IL7R: variants seen among roughly 807,000 people sequenced by gnomAD.
IL7R encodes the protein interleukin-7 receptor subunit alpha.
IL7R carries 38 observed loss-of-function variants against 47.0 expected under a neutral mutation model. The observed-to-expected ratio is 0.81, with a 90% CI of 0.62 to 1.06. IL7R has a LOEUF of 1.06. Ranked by LOEUF, IL7R falls within the 50% of genes least tolerant of loss-of-function variation. The probability of loss-of-function intolerance (pLI) is 0.00; values close to 1 mark genes in which losing one functional copy is unlikely to be tolerated. For missense variants in IL7R, 633 were observed against 534.8 expected (o/e 1.18, Z -1.81); for synonymous variants, 221 against 199.8 (o/e 1.11, Z -0.89).
intron 1 of IL7R, among the ~76,000 whole-genome samples, chr5:35,857,900 T>C (rs1287039107): frequency 6.6e-6 from 1 of 152,184 alleles, no homozygotes; most frequent in Non-Finnish European, 1.5e-5. Context: ...TATTTGGCTA[T>C]AGACAATATC....
chr5:35,864,266 C>A (rs1759886404), intron 2 of IL7R, among the ~76,000 whole-genome samples: 1 of 152,042 alleles, frequency 6.6e-6, no homozygotes, highest in East Asian at 1.9e-4. Context: ...ATTTTTAATT[C>A]TTTCTCTTCT....
chr5:35,857,289 C>T (rs1392378446), intron 1 of IL7R, among the ~76,000 whole-genome samples: 1 of 152,102 alleles, frequency 6.6e-6, no homozygotes, highest in Non-Finnish European at 1.5e-5. Context: ...ATGCATTTCA[C>T]TCCCAAGTGT....
At chr5:35,873,971 C>G (rs552542834) in intron 5 of IL7R, among the ~76,000 whole-genome samples, 7 of 152,190 alleles carry the variant, frequency 4.6e-5, no homozygotes, top group Non-Finnish European at 5.9e-5. Context: ...TGGCTGCTGT[C>G]TCTAAGGCCC....
Position 35,876,599 on chromosome 5 carries a change from CACT to C in IL7R, c.*116_*118del. 2 of 1,099,992 alleles carry C rather than the reference CACT, an allele frequency of 1.8e-6. No individual in the cohort carries two copies. Among genetic ancestry groups the C allele is most frequent in the Non-Finnish European group, 1.3e-6 (1 of 742,070 alleles). The allele number at this position is 1,099,992 out of a possible 1,614,324, so 68.1% of individuals were successfully genotyped here. ...AGAGAAGACAAAATTAGCAAAACCCCACTACACAGTCTGCAAGATTCTGAAACA... is the reference window on the plus strand; with the variant it reads ...AGAGAAGACAAAATTAGCAAAACCCCACACAGTCTGCAAGATTCTGAAACA... On this transcript the variant is annotated 3_prime_UTR_variant, in exon 8 of 8. Coordinates refer to ENST00000303115, the MANE Select transcript of IL7R (RefSeq NM_002185.5).
rs528405694 is a variant in IL7R, at chr5:35,878,539, A to G, written c.*2053A>G. 2 of 232,838 alleles carry G rather than the reference A, an allele frequency of 8.6e-6. No homozygotes were observed. Among genetic ancestry groups the G allele is most frequent in the Non-Finnish European group, 1.7e-5 (2 of 117,856 alleles). 14.4% of individuals were successfully genotyped at this position (232,838 alleles called of 1,614,324 possible). On this transcript the variant is annotated 3_prime_UTR_variant, in exon 8 of 8. Coordinates refer to ENST00000303115, the MANE Select transcript of IL7R (RefSeq NM_002185.5). ...ATGTAAATTTACATGGAGGAAAAGT[A>G]GAATCTGCCTGGTTTGTAGGCAGCA...
At chr5:35,870,436 G>C (rs538038695) in intron 3 of IL7R, among the ~76,000 whole-genome samples, 1 of 152,312 alleles carries the variant, frequency 6.6e-6, no homozygotes, top group African/African-American at 2.4e-5. Flanking sequence ...CACTGTAGCT[G>C]AGACGAGGTG....
chr5:35,871,404 T>TAA, intron 4 of IL7R, among the ~76,000 whole-genome samples, 191 bp downstream of exon 4: 1 of 152,326 alleles, frequency 6.6e-6, no homozygotes, highest in African/African-American at 2.4e-5. Flanking sequence ...CTAGCTCTGG[T>TAA]TGTTTTCTTC....
At position 35,867,363 on chromosome 5, in the gene IL7R, C is replaced by A. The variant is rs2149899138; in HGVS notation, c.279C>A (p.Phe93Leu). The A allele has an allele frequency of 6.2e-7, 1 of 1,613,518 alleles. No homozygotes were observed. Among genetic ancestry groups the A allele is most frequent in the Non-Finnish European group, 8.5e-7 (1 of 1,179,532 alleles). Residue 93 changes from phenylalanine (F) to leucine (L), a missense_variant, in exon 3 of 8, where the codon TTC becomes TTA. Transcript: ENST00000303115. ...TCAGGAAACTACAAGAGATATATTT[C>A]ATCGAGACAAAGAAATTCTTACTGA... ...LNFRKLQEIY[F>L]IETKKFLLIG...
At position 35,871,116 on chromosome 5, in the gene IL7R, TG is replaced by T; in HGVS notation, c.442del (p.Val148Ter). 6.2e-7 allele frequency: 1 copy of T among 1,612,134 alleles called. No individual in the cohort carries two copies. The highest frequency in any genetic ancestry group is 8.5e-7 in the Non-Finnish European group (1 of 1,178,134). On this transcript the variant is annotated frameshift_variant, in exon 4 of 8. Coordinates refer to ENST00000303115, the MANE Select transcript of IL7R (RefSeq NM_002185.5). LOFTEE classifies it high-confidence loss of function. ...VVYREGANDF[V>X]VTFNTSHLQK... is the part of the protein sequence containing the mutation. ...TATCGGGAAGGAGCCAATGACTTTG[TG>T]GTGACATTTAATACATCACACTTGC...
At chr5:35,860,502 C>A (rs1295768588) in intron 1 of IL7R, among the ~76,000 whole-genome samples, 1 of 152,056 alleles carries the variant, frequency 6.6e-6, no homozygotes, top group Non-Finnish European at 1.5e-5. Flanking sequence ...ATCAATGTAA[C>A]AAATGTAGCA....
At chr5:35,868,560 G>T (rs1472524474) in intron 3 of IL7R, among the ~76,000 whole-genome samples, 1 of 152,194 alleles carries the variant, frequency 6.6e-6, no homozygotes, top group African/African-American at 2.4e-5. Context: ...TAGGGGAAGA[G>T]AACTGGCTTT....
intron 4 of IL7R, 31 bp from the exon 5 acceptor site, chr5:35,873,449 C>T (rs201020262): frequency 3.8e-6 from 6 of 1,595,688 alleles, no homozygotes; most frequent in South Asian, 2.2e-5. Context: ...CTTTTCCCAT[C>T]CTAAGAATGT....
At chr5:35,859,286 A>G (rs764154118) in intron 1 of IL7R, among the ~76,000 whole-genome samples, 4 of 152,186 alleles carry the variant, frequency 2.6e-5, no homozygotes, top group Non-Finnish European at 5.9e-5. Context: ...AGGATGTCTG[A>G]ATCCAAATAA....
At chr5:35,860,046 C>G (rs1373795880) in intron 1 of IL7R, among the ~76,000 whole-genome samples, 1 of 151,202 alleles carries the variant, frequency 6.6e-6, no homozygotes, top group Non-Finnish European at 1.5e-5. Flanking sequence ...TGTGACAGAT[C>G]ACACTTTCCA....
intron 2 of IL7R, among the ~76,000 whole-genome samples, chr5:35,864,376 T>A (rs960954776): frequency 6.6e-6 from 1 of 152,170 alleles, no homozygotes; most frequent in East Asian, 1.9e-4. Flanking sequence ...TTTTCATTTT[T>A]CTGGGGTATA....
At chr5:35,861,087 A>G in intron 2 of IL7R, 97 bp downstream of exon 2, 1 of 1,303,346 alleles carries the variant, frequency 7.7e-7, no homozygotes, top group Non-Finnish European at 1.1e-6. Context: ...ATGTGGCCTA[A>G]TTAACAAATG....
rs971778993 is a variant in IL7R at position 35,878,670 on chromosome 5, C to T, written c.*2184C>T. The stretch of plus-strand genomic sequence containing the variant: ...AAATCTCATGCCAGGTCTCTGATAC[C>T]TTATTCACAGAAGTTCTTTGAAGTA... On this transcript the variant is annotated 3_prime_UTR_variant, in exon 8 of 8. Transcript: ENST00000303115. 5.6e-5 allele frequency: 13 copies of T among 232,626 alleles called. No individual in the cohort carries two copies. The highest frequency in any genetic ancestry group is 2.4e-4 in the African/African-American group (11 of 45,406). The allele number at this position is 232,626 out of a possible 1,614,324, so 14.4% of individuals were successfully genotyped here. A position where few individuals can be genotyped will look rare whatever the true frequency, so the allele number is the denominator to read the frequency against.
rs549836827 is a variant in IL7R, at chr5:35,865,131, C to T, written c.222-2175C>T. ...CCCCCTCCTTCCACCTATGACTGGC[C>T]CTGGTGTGTGATGTTCCCCTTCCTG... On this transcript the variant is annotated intron_variant, in intron 2 of 7. Coordinates refer to ENST00000303115, the MANE Select transcript of IL7R (RefSeq NM_002185.5). 5.9e-5 allele frequency among the ~76,000 whole-genome samples: 9 copies of T among 152,118 alleles called. No homozygotes were observed. In the South Asian group the frequency reaches 1.9e-3, roughly 32 times the overall value.
chr5:35,861,217 C>G (rs1400814837), intron 2 of IL7R, among the ~76,000 whole-genome samples: 3 of 152,154 alleles, frequency 2.0e-5, no homozygotes, highest in Non-Finnish European at 2.9e-5. Context: ...AAATGATGCT[C>G]TGGATCTTGG....
Sources: allele counts gnomAD v4.1 joint callset (sites outside exome capture counted in the v4.1 genomes callset), GRCh38; gene constraint gnomAD v4.1.1; transcripts MANE v1.5; gene names NCBI Gene and HGNC (gene_info 2026-07-23, HGNC 2026-07-21).